B3GAT2: variants seen among roughly 807,000 people sequenced by gnomAD.
B3GAT2 encodes the protein galactosylgalactosylxylosylprotein 3-beta-glucuronosyltransferase 2.
B3GAT2 carries 26 observed loss-of-function variants against 27.8 expected under a neutral mutation model. The observed-to-expected ratio is 0.93, with a 90% confidence interval of 0.68 to 1.30. The LOEUF (loss-of-function observed/expected upper bound fraction) is 1.30, where lower values mean the gene tolerates loss of function less well. B3GAT2 is among the 50% of genes most tolerant of loss of function. B3GAT2 has a pLI of 0.00. For missense variants in B3GAT2, 458 were observed against 459.0 expected (o/e 1.00, Z 0.02); for synonymous variants, 218 against 195.1 (o/e 1.12, Z -0.98).
At chr6:70,912,969 A>C (rs1562226970) in intron 1 of B3GAT2, among the ~76,000 whole-genome samples, 2 of 152,042 alleles carry the variant, frequency 1.3e-5, no homozygotes, top group African/African-American at 4.8e-5. Flanking sequence ...AGGTGTTTGT[A>C]ATAGTCTTTT....
At position 70,939,996 on chromosome 6, in the gene B3GAT2, T is replaced by A. The variant is rs112673652; in HGVS notation, c.591+15843A>T. Among the ~76,000 whole-genome samples the A allele has an allele frequency of 8.5e-3, 1,295 of 152,044 alleles. 9 individuals carry two copies. Among genetic ancestry groups the A allele is most frequent in the African/African-American group, 0.014 (569 of 41,488 alleles). On this transcript the variant is annotated intron_variant, in intron 1 of 3. Transcript: ENST00000230053. ...TTTTAGAAATTATGTGACCAGAAAA[T>A]GTTGGGGACCACTGCATCAGATCCC...
intron 1 of B3GAT2, among the ~76,000 whole-genome samples, chr6:70,930,131 C>T (rs964070423): frequency 2.0e-5 from 3 of 152,140 alleles, no homozygotes; most frequent in Non-Finnish European, 4.4e-5. Context: ...GGAAAACTGG[C>T]TAACCATATG....
chr6:70,889,378 G>A (rs1435083825), intron 2 of B3GAT2, among the ~76,000 whole-genome samples: 1 of 152,108 alleles, frequency 6.6e-6, no homozygotes. Context: ...CATTTCTTAA[G>A]AGTTGTCTCC....
chr6:70,916,296 T>C (rs570221289), intron 1 of B3GAT2, among the ~76,000 whole-genome samples: 1 of 152,320 alleles, frequency 6.6e-6, no homozygotes, highest in African/African-American at 2.4e-5. Flanking sequence ...TAAGGAGATT[T>C]GGAGCTGAGA....
At chr6:70,910,949 T>C (rs967263307) in intron 1 of B3GAT2, among the ~76,000 whole-genome samples, 3 of 152,214 alleles carry the variant, frequency 2.0e-5, no homozygotes, top group Non-Finnish European at 4.4e-5. Flanking sequence ...TTTTTTCATA[T>C]GCTTGTTGGT....
rs1054768973 is a variant in B3GAT2 at position 70,860,918 on chromosome 6, A to C, written c.*745T>G. 1 of 382,524 alleles carries C rather than the reference A, an allele frequency of 2.6e-6. No homozygotes were observed. The highest frequency in any genetic ancestry group is 4.6e-6 in the Non-Finnish European group (1 of 215,876). 23.7% of individuals were successfully genotyped at this position (382,524 alleles called of 1,614,324 possible). A position where few individuals can be genotyped will look rare whatever the true frequency, so the allele number is the denominator to read the frequency against. On this transcript the variant is annotated 3_prime_UTR_variant, in exon 4 of 4. Transcript: ENST00000230053. Reference sequence around the variant, plus strand: ...GGATGTTACTCCAAAACTTCGTTTAATGAATGCTTAAAGAATTCAAATTTT... The same window carrying C: ...GGATGTTACTCCAAAACTTCGTTTACTGAATGCTTAAAGAATTCAAATTTT...
intron 2 of B3GAT2, 24 bp from the exon 3 acceptor site, chr6:70,862,002 A>AG: frequency 6.4e-7 from 1 of 1,559,928 alleles, no homozygotes; most frequent in South Asian, 1.2e-5. Flanking sequence ...AAAAAAAAAA[A>AG]AGAGACTTTA....
At chr6:70,927,470 G>T (rs551194070) in intron 1 of B3GAT2, among the ~76,000 whole-genome samples, 196 of 152,202 alleles carry the variant, frequency 1.3e-3, no homozygotes, top group African/African-American at 4.5e-3. Flanking sequence ...CAAAATAAAG[G>T]GATGGAGGAA....
chr6:70,950,769 T>C (rs1347644339), intron 1 of B3GAT2, among the ~76,000 whole-genome samples: 2 of 152,200 alleles, frequency 1.3e-5, no homozygotes, highest in Non-Finnish European at 1.5e-5. Flanking sequence ...ACAGAGACAG[T>C]ACTATTACCT....
Position 70,861,381 on chromosome 6 carries a change from T to TA in B3GAT2, c.*281dup. On this transcript the variant is annotated 3_prime_UTR_variant, in exon 4 of 4. Transcript: ENST00000230053. ...AGAAAAAATATATACTCAAGAGTGGTATCTTGCAGTATCGGCACTGTACAA... is the reference window on the plus strand; with the variant it reads ...AGAAAAAATATATACTCAAGAGTGGTAATCTTGCAGTATCGGCACTGTACAA... 1 of 359,630 alleles carries TA rather than the reference T, an allele frequency of 2.8e-6. No individual in the cohort carries two copies. The highest frequency in any genetic ancestry group is 5.1e-6 in the Non-Finnish European group (1 of 196,278). 22.3% of individuals were successfully genotyped at this position (359,630 alleles called of 1,614,324 possible). A position where few individuals can be genotyped will look rare whatever the true frequency, so the allele number is the denominator to read the frequency against.
At chr6:70,937,154 G>GTTTCCAAATA (rs1442719243) in intron 1 of B3GAT2, among the ~76,000 whole-genome samples, 2 of 152,156 alleles carry the variant, frequency 1.3e-5, no homozygotes, top group Non-Finnish European at 2.9e-5. Flanking sequence ...AAATCTAGAA[G>GTTTCCAAATA]AAATGGATAA....
intron 2 of B3GAT2, among the ~76,000 whole-genome samples, chr6:70,880,465 T>G (rs1279719758): frequency 6.6e-6 from 1 of 152,154 alleles, no homozygotes; most frequent in Admixed American, 6.5e-5. Context: ...GGAATCACTC[T>G]CAAAACTCAA....
At chr6:70,921,508 ATTGGATTCC>A (rs1772870401) in intron 1 of B3GAT2, among the ~76,000 whole-genome samples, 1 of 152,108 alleles carries the variant, frequency 6.6e-6, no homozygotes, top group Admixed American at 6.6e-5. Context: ...GTATTGTTTT[ATTGGATTCC>A]TTAGATTCCT....
chr6:70,909,292 A>G (rs1772650114), intron 1 of B3GAT2, among the ~76,000 whole-genome samples: 1 of 152,204 alleles, frequency 6.6e-6, no homozygotes, highest in Admixed American at 6.5e-5. Context: ...TAAAGAAACA[A>G]GAACAAACTA....
chr6:70,921,591 T>C (rs1432038260), intron 1 of B3GAT2, among the ~76,000 whole-genome samples: 2 of 152,212 alleles, frequency 1.3e-5, no homozygotes, highest in Non-Finnish European at 2.9e-5. Context: ...TTCTCAATTC[T>C]ATCTCTGTCA....
intron 1 of B3GAT2, among the ~76,000 whole-genome samples, chr6:70,951,690 T>C (rs1765580410): frequency 6.6e-6 from 1 of 152,148 alleles, no homozygotes. Flanking sequence ...ATTCAAATAC[T>C]GTACACCCAG....
At chr6:70,921,031 CCCCTTTTCTCTAGCTG>C (rs1772859676) in intron 1 of B3GAT2, among the ~76,000 whole-genome samples, 1 of 152,100 alleles carries the variant, frequency 6.6e-6, no homozygotes, top group Non-Finnish European at 1.5e-5. Context: ...AGGTGACCTG[CCCCTTTTCTCTAGCTG>C]CCTTAGTATT....
intron 1 of B3GAT2, among the ~76,000 whole-genome samples, chr6:70,946,284 T>C (rs1765481895): frequency 1.3e-5 from 2 of 151,946 alleles, no homozygotes; most frequent in Admixed American, 1.3e-4. Flanking sequence ...TGATGGGTCT[T>C]GACTGGGGAT....
chr6:70,877,563 C>T (rs765202645), intron 2 of B3GAT2, among the ~76,000 whole-genome samples: 5 of 152,132 alleles, frequency 3.3e-5, no homozygotes, highest in Non-Finnish European at 5.9e-5. Context: ...CTTCTAACAG[C>T]GCTGATGGTT....
Sources: gnomAD v4.1 joint callset for allele counts (sites outside exome capture counted in the v4.1 genomes callset) on GRCh38, gnomAD v4.1.1 for gene constraint, MANE v1.5 for transcripts, NCBI Gene and HGNC (gene_info 2026-07-23, HGNC 2026-07-21) for gene names.